Variants in ERICH1 observed in about 807,000 individuals in gnomAD.
ERICH1 encodes glutamate-rich protein 1.
ERICH1 carries 56 observed loss-of-function variants against 39.6 expected under a neutral mutation model. The ratio of observed to expected loss-of-function variants is 1.41; its 90% CI spans 1.14 to 1.77. ERICH1 has a LOEUF of 1.77. ERICH1 is among the 40% of genes most tolerant of loss of function. ERICH1 has a pLI of 0.00. For missense variants in ERICH1, 826 were observed against 575.4 expected, an observed-to-expected ratio of 1.44 and a Z score of -4.45; for synonymous variants, 313 against 223.6, an observed-to-expected ratio of 1.40 and a Z score of -3.57.
At chr8:673,115 T>C (rs577106482) in intron 4 of ERICH1, among the ~76,000 whole-genome samples, 174 bp downstream of exon 4, 1 of 152,366 alleles carries the variant, frequency 6.6e-6, no homozygotes, top group Non-Finnish European at 1.5e-5. Flanking sequence ...ATCTTTGCCT[T>C]ATAACTAATT....
chr8:685,611 A>T (rs2131994741), intron 3 of ERICH1, among the ~76,000 whole-genome samples: 1 of 152,326 alleles, frequency 6.6e-6, no homozygotes, highest in Non-Finnish European at 1.5e-5. Context: ...TTATAAAAGT[A>T]TTAATTTGGA....
At chr8:724,385 C>T (rs1818072582) in intron 1 of ERICH1, among the ~76,000 whole-genome samples, 2 of 152,138 alleles carry the variant, frequency 1.3e-5, no homozygotes, top group Admixed American at 1.3e-4. Context: ...GTTTTTTAAC[C>T]AGCATTTGTC....
At chr8:700,308 G>C (rs1363339835) in intron 2 of ERICH1, among the ~76,000 whole-genome samples, 2 of 99,166 alleles carry the variant, frequency 2.0e-5, no homozygotes, top group African/African-American at 6.6e-5. Context: ...CACGCGCACA[G>C]ACCCGCACAC....
intron 4 of ERICH1, among the ~76,000 whole-genome samples, chr8:670,919 C>A (rs970599827): frequency 2.0e-5 from 3 of 149,960 alleles, no homozygotes; most frequent in East Asian, 2.0e-4. Flanking sequence ...CCTGCTCCAA[C>A]CTCTGAGCCC....
At chr8:631,614 G>C (rs1206083618) in intron 3 of ERICH1, among the ~76,000 whole-genome samples, 3 of 152,152 alleles carry the variant, frequency 2.0e-5, no homozygotes, top group Non-Finnish European at 2.9e-5. Flanking sequence ...GCAATGCCGA[G>C]AGTTTTTTGT....
chr8:642,413 C>G (rs1020496597), intron 3 of ERICH1, among the ~76,000 whole-genome samples: 2 of 137,892 alleles, frequency 1.5e-5, no homozygotes, highest in Non-Finnish European at 3.0e-5. Context: ...GGTGCGATCT[C>G]GGCTCACTGC....
Position 640,336 on chromosome 8 carries a change from C to T in ERICH1, c.977-25052G>A, listed in dbSNP as rs532389803. On this transcript the variant is annotated intron_variant, in intron 3 of 3. Coordinates refer to the ERICH1 transcript ENST00000522706. ...GACACACAAGCCCCAGGTGGCAGGG[C>T]GAGCTCTCTCCGCCTGCTTATGTTT... Among the ~76,000 whole-genome samples the T allele has an allele frequency of 8.5e-5, 13 of 152,300 alleles. No homozygotes were observed. The South Asian group carries it at 1.0e-3, about 12-fold the overall frequency.
At chr8:666,221 A>G (rs965084561) in intron 5 of ERICH1, 3 of 152,202 alleles carry the variant, frequency 2.0e-5, no homozygotes, top group Non-Finnish European at 4.4e-5. Context: ...AATTCCCCAC[A>G]ACTGCCAAAA....
intron 1 of ERICH1, among the ~76,000 whole-genome samples, chr8:723,034 G>A (rs1382969742): frequency 6.6e-6 from 1 of 152,248 alleles, no homozygotes; most frequent in Non-Finnish European, 1.5e-5. Flanking sequence ...ACTGGGAGGT[G>A]TCTGGGCCAT....
At chr8:730,336 C>G (rs1169127479) in intron 1 of ERICH1, among the ~76,000 whole-genome samples, 1 of 152,126 alleles carries the variant, frequency 6.6e-6, no homozygotes, top group Admixed American at 6.5e-5. Flanking sequence ...TGTTTTATAA[C>G]TATAGTTTGC....
At chr8:719,266 G>T (rs1816751621) in intron 1 of ERICH1, among the ~76,000 whole-genome samples, 1 of 152,166 alleles carries the variant, frequency 6.6e-6, no homozygotes. Flanking sequence ...CATCGACCAG[G>T]CTCCGATCCT....
At chr8:661,766 C>T (rs1037112440), downstream of ERICH1, among the ~76,000 whole-genome samples, 5 of 152,366 alleles carry the variant, frequency 3.3e-5, no homozygotes, top group Non-Finnish European at 7.3e-5. Flanking sequence ...CCCTGAGCAT[C>T]CCACCTGCTC....
At chr8:673,249 T>A in intron 4 of ERICH1, 40 bp downstream of exon 4, 1 of 1,539,468 alleles carries the variant, frequency 6.5e-7, no homozygotes, top group Non-Finnish European at 8.8e-7. Context: ...AACTTTTAAG[T>A]GGATGTCACT....
intron 3 of ERICH1, among the ~76,000 whole-genome samples, chr8:633,531 A>G (rs1350896978): frequency 6.6e-6 from 1 of 152,218 alleles, no homozygotes; most frequent in African/African-American, 2.4e-5. Context: ...GAGAAACAGA[A>G]AAACCCACCC....
intron 1 of ERICH1, among the ~76,000 whole-genome samples, chr8:718,880 T>C (rs1415207276): frequency 6.6e-6 from 1 of 152,182 alleles, no homozygotes; most frequent in Non-Finnish European, 1.5e-5. Context: ...CCCAGAACCA[T>C]GCAGACCCAT....
At chr8:694,869 C>T (rs1432795035) in intron 2 of ERICH1, among the ~76,000 whole-genome samples, 2 of 152,188 alleles carry the variant, frequency 1.3e-5, no homozygotes, top group East Asian at 3.9e-4. Context: ...CCCGTCCCAT[C>T]ATCTCCTCCG....
At chr8:653,084 C>T (rs1453709424) in intron 3 of ERICH1, among the ~76,000 whole-genome samples, 3 of 152,226 alleles carry the variant, frequency 2.0e-5, no homozygotes, top group Admixed American at 6.5e-5. Flanking sequence ...CCGTATGATC[C>T]AGCCCTTCCA....
In ERICH1 at chr8:669,737, C is replaced by G. The variant is rs144751145; in HGVS notation, c.1064-945G>C. On this transcript the variant is annotated intron_variant, in intron 4 of 5. Transcript: ENST00000262109. ...ACATCACATCGCTTAAAAAAAGAATCAGACTGTGGCTGTTTAGAAGAAATC... is the reference window on the plus strand; with the variant it reads ...ACATCACATCGCTTAAAAAAAGAATGAGACTGTGGCTGTTTAGAAGAAATC... 5.1e-3 allele frequency among the ~76,000 whole-genome samples: 763 copies of G among 150,612 alleles called. 5 individuals carry two copies. The highest frequency in any genetic ancestry group is 8.4e-3 in the Non-Finnish European group (558 of 66,790).
intron 3 of ERICH1, among the ~76,000 whole-genome samples, chr8:624,889 G>C (rs1357525661): frequency 1.3e-5 from 2 of 152,128 alleles, no homozygotes; most frequent in East Asian, 3.9e-4. Context: ...ACCATGCCTG[G>C]CTAATTTTTT....
Sources: allele counts gnomAD v4.1 joint callset (sites outside exome capture counted in the v4.1 genomes callset), GRCh38; gene constraint gnomAD v4.1.1; transcripts MANE v1.5; gene names NCBI Gene and HGNC (gene_info 2026-07-23, HGNC 2026-07-21).